The following SMPD3 variants were observed in gnomAD, a reference collection of about 807,000 sequenced individuals.
The protein encoded by SMPD3 is sphingomyelin phosphodiesterase 3, also known as nSMase-2.
Under a neutral mutation model 55.7 loss-of-function variants are expected in SMPD3, and 21 were observed. The ratio of observed to expected loss-of-function variants is 0.38; its 90% CI spans 0.27 to 0.54. The LOEUF (loss-of-function observed/expected upper bound fraction) is 0.54, where lower values mean the gene tolerates loss of function less well. SMPD3 is among the 20% of genes least tolerant of loss of function. The pLI is 0.80. For synonymous variants in SMPD3, 457 were observed against 404.3 expected (o/e 1.13, Z -1.56); for missense variants, 842 against 899.6 (o/e 0.94, Z 0.82).
At chr16:68,391,236 C>T (rs956496189) in intron 1 of SMPD3, among the ~76,000 whole-genome samples, 27 of 152,230 alleles carry the variant, frequency 1.8e-4, no homozygotes, top group African/African-American at 6.5e-4. Flanking sequence ...AACAGAGGGC[C>T]TGGATCTCTG....
chr16:68,372,439 G>C (rs1209952533), intron 2 of SMPD3, 52 bp from the exon 3 acceptor site: 1 of 542,132 alleles, frequency 1.8e-6, no homozygotes, highest in Non-Finnish European at 3.3e-6. Flanking sequence ...AGGGGAGTGG[G>C]TCAGATATGG....
At chr16:68,361,453 C>T (rs2089261083) in intron 8 of SMPD3, 146 bp from the exon 9 acceptor site, 1 of 1,387,298 alleles carries the variant, frequency 7.2e-7, no homozygotes, top group Non-Finnish European at 9.9e-7. Context: ...GCCTGGAGGA[C>T]CTGGGGCCCT....
chr16:68,442,157 G>C (rs1029078562), intron 1 of SMPD3, among the ~76,000 whole-genome samples: 3 of 152,176 alleles, frequency 2.0e-5, no homozygotes, highest in South Asian at 2.1e-4. Flanking sequence ...TAAATGAACA[G>C]AGCAACAGTT....
chr16:68,440,478 G>A (rs553118923), intron 1 of SMPD3, among the ~76,000 whole-genome samples: 8 of 152,350 alleles, frequency 5.3e-5, no homozygotes, highest in Admixed American at 1.3e-4. Context: ...TGGGATTATA[G>A]GCGTGAGCCA....
intron 2 of SMPD3, among the ~76,000 whole-genome samples, chr16:68,382,835 T>TTGTTTTGTTTTG (rs1036241467): frequency 6.6e-5 from 10 of 152,086 alleles, no homozygotes; most frequent in African/African-American, 2.4e-4. Flanking sequence ...TTTGTTTGTT[T>TTGTTTTGTTTTG]TGTTTTGTTT....
At chr16:68,392,681 C>T (rs1353643544) in intron 1 of SMPD3, among the ~76,000 whole-genome samples, 1 of 151,628 alleles carries the variant, frequency 6.6e-6, no homozygotes, top group Non-Finnish European at 1.5e-5. Flanking sequence ...GGCCAACACG[C>T]GAAACTCTGT....
intron 2 of SMPD3, among the ~76,000 whole-genome samples, chr16:68,374,867 G>A (rs1408028914): frequency 1.3e-5 from 2 of 152,212 alleles, no homozygotes; most frequent in Admixed American, 6.5e-5. Flanking sequence ...GGGAGAGCTT[G>A]CAGGTCCTGT....
chr16:68,397,778 G>C (rs1050714891), intron 1 of SMPD3, among the ~76,000 whole-genome samples: 1 of 152,142 alleles, frequency 6.6e-6, no homozygotes, highest in African/African-American at 2.4e-5. Context: ...GGGGGCGGGG[G>C]GTGGTCTCTT....
chr16:68,446,574 T>C lies in SMPD3; in HGVS notation c.-269+1779A>G, dbSNP rs115576050. Among the ~76,000 whole-genome samples the C allele has an allele frequency of 2.0e-3, 309 of 151,408 alleles. 3 individuals are homozygous for C. Among genetic ancestry groups the C allele is most frequent in the African/African-American group, 7.2e-3 (297 of 41,142 alleles). ...ACACACATGAAGACTGAAACACACA[T>C]GGGTACATTCATCTAGTCACACACA... On this transcript the variant is annotated intron_variant, in intron 1 of 8. Transcript: ENST00000219334.
chr16:68,389,361 T>C (rs1207751447), intron 1 of SMPD3, among the ~76,000 whole-genome samples: 1 of 152,238 alleles, frequency 6.6e-6, no homozygotes, highest in African/African-American at 2.4e-5. Flanking sequence ...TGACCCCTGA[T>C]GGATGTGCAG....
Position 68,403,023 on chromosome 16 carries a change from CAG to C in SMPD3, c.-268-16366_-268-16365del, listed in dbSNP as rs1419891984. Reference sequence around the variant, plus strand: ...TTGTACACTGTGTCAGGGTGCAGCACAGAGTGTCATGCTCCCTCTGGCCCCAG... The same window carrying C: ...TTGTACACTGTGTCAGGGTGCAGCACAGTGTCATGCTCCCTCTGGCCCCAG... On this transcript the variant is annotated intron_variant, in intron 1 of 8. Transcript: ENST00000219334. Among the ~76,000 whole-genome samples the C allele has an allele frequency of 2.0e-5, 3 of 152,346 alleles. No individual in the cohort carries two copies. The East Asian group carries it at 5.8e-4, about 29-fold the overall frequency.
chr16:68,407,252 C>A (rs2090262004), intron 1 of SMPD3, among the ~76,000 whole-genome samples: 1 of 152,154 alleles, frequency 6.6e-6, no homozygotes, highest in Non-Finnish European at 1.5e-5. Context: ...GCGAGGAGAA[C>A]TGTCTCCATC....
intron 2 of SMPD3, among the ~76,000 whole-genome samples, chr16:68,381,549 T>A (rs187665040): frequency 6.6e-6 from 1 of 152,262 alleles, no homozygotes; most frequent in East Asian, 1.9e-4. Flanking sequence ...ACGTGATGAG[T>A]TCTGACCAAT....
At chr16:68,361,861 G>GGT in intron 7 of SMPD3, 102 bp from the exon 8 acceptor site, 1 of 1,219,480 alleles carries the variant, frequency 8.2e-7, no homozygotes, top group Non-Finnish European at 1.1e-6. Flanking sequence ...GTGGGAGCGG[G>GGT]TGGGTGGGAC....
At chr16:68,401,678 A>T (rs748693232) in intron 1 of SMPD3, among the ~76,000 whole-genome samples, 1 of 152,150 alleles carries the variant, frequency 6.6e-6, no homozygotes, top group Non-Finnish European at 1.5e-5. Flanking sequence ...TGCAAGGGGA[A>T]GTTTCAGGGC....
intron 2 of SMPD3, among the ~76,000 whole-genome samples, chr16:68,376,973 G>A (rs1000667321): frequency 2.4e-4 from 37 of 152,154 alleles, no homozygotes; most frequent in Non-Finnish European, 1.9e-4. Flanking sequence ...TTCCCTACCC[G>A]CTCCTGGTAG....
intron 1 of SMPD3, among the ~76,000 whole-genome samples, chr16:68,441,129 A>G (rs545844717): frequency 1.3e-5 from 2 of 152,244 alleles, no homozygotes; most frequent in Admixed American, 1.3e-4. Context: ...GCTTCCTCCA[A>G]TAGTAATAAC....
Position 68,371,961 on chromosome 16 carries a change from G to A in SMPD3, c.221C>T (p.Ser74Leu), listed in dbSNP as rs2089683089. 2.5e-6 allele frequency: 4 copies of A among 1,612,296 alleles called. No homozygotes were observed. Among genetic ancestry groups the A allele is most frequent in the East Asian group, 2.2e-5 (1 of 44,828 alleles). The change falls in exon 3 of 9, where the codon TCG (serine) becomes TTG (leucine). Residue 74 changes from serine to leucine, a missense_variant. Around this residue, in one of 2 missense-constraint regions of SMPD3, gnomAD observed 193 missense variants for 256.0 expected, o/e 0.75. Coordinates refer to ENST00000219334, the MANE Select transcript of SMPD3 (RefSeq NM_018667.4). ...TPIYLALLVA[S>L]LPFAFLGFLF... ...AAAGCCGAGAAACGCAAAGGGCAGC[G>A]AGGCCACCAGGAGGGCCAGGTAGAT...
chr16:68,423,965 C>A (rs1394951120), intron 1 of SMPD3, among the ~76,000 whole-genome samples: 1 of 152,084 alleles, frequency 6.6e-6, no homozygotes, highest in East Asian at 2.0e-4. Flanking sequence ...GGTGAACAGT[C>A]CACAGTGAGG....
Sources: gnomAD v4.1 joint callset for allele counts (sites outside exome capture counted in the v4.1 genomes callset) on GRCh38, gnomAD v4.1.1 for gene constraint, gnomAD v4.1.1 regional missense constraint, MANE v1.5 for transcripts, NCBI Gene and HGNC (gene_info 2026-07-23, HGNC 2026-07-21) for gene names.